The following CNOT4 variants were observed in gnomAD, a reference collection of about 807,000 sequenced individuals.
CNOT4 encodes the protein CCR4-associated factor 4.
CNOT4 carries 8 observed loss-of-function variants against 73.8 expected under a neutral mutation model. The ratio of observed to expected loss-of-function variants is 0.11; its 90% CI spans 0.06 to 0.20. CNOT4 has a LOEUF of 0.20. CNOT4 is among the 10% of genes least tolerant of loss of function. The pLI is 1.00. For missense variants in CNOT4, 564 were observed against 883.4 expected (o/e 0.64, Z 4.58); for synonymous variants, 293 against 321.1 (o/e 0.91, Z 0.94).
chr7:135,495,692 AAGAAAGAAAGAAAGAAAGAAAG>A (rs1803489435), intron 1 of CNOT4, among the ~76,000 whole-genome samples: 3 of 14,008 alleles, frequency 2.1e-4, no homozygotes, highest in Non-Finnish European at 4.4e-4. Flanking sequence ...AAAAAAAAAA[AAGAAAGAAAGAAAGAAAGAAAG>A]AAAGAAAGAA....
At chr7:135,407,112 T>C (rs1585596937) in intron 7 of CNOT4, among the ~76,000 whole-genome samples, 1 of 152,102 alleles carries the variant, frequency 6.6e-6, no homozygotes, top group East Asian at 1.9e-4. Context: ...TGTGGTACCT[T>C]CCCCCTCCAA....
At chr7:135,451,475 G>C (rs1382894521) in intron 1 of CNOT4, among the ~76,000 whole-genome samples, 2 of 152,162 alleles carry the variant, frequency 1.3e-5, no homozygotes, top group South Asian at 2.1e-4. Context: ...TGTATTTTTA[G>C]TAGAAATGGG....
At chr7:135,464,245 A>G (rs1801082974) in intron 1 of CNOT4, among the ~76,000 whole-genome samples, 1 of 152,182 alleles carries the variant, frequency 6.6e-6, no homozygotes, top group African/African-American at 2.4e-5. Context: ...ACGAATGTTC[A>G]CTGCAGTGCT....
At chr7:135,504,041 C>T (rs1010309646) in intron 1 of CNOT4, among the ~76,000 whole-genome samples, 1 of 152,100 alleles carries the variant, frequency 6.6e-6, no homozygotes, top group African/African-American at 2.4e-5. Flanking sequence ...CTGAAAACAC[C>T]TGATGCTCTA....
At chr7:135,490,772 A>G (rs975486432) in intron 1 of CNOT4, among the ~76,000 whole-genome samples, 1 of 152,244 alleles carries the variant, frequency 6.6e-6, no homozygotes, top group South Asian at 2.1e-4. Context: ...ATGTAGTACA[A>G]AATCTCTTGC....
At chr7:135,468,716 T>C (rs1801388309) in intron 1 of CNOT4, among the ~76,000 whole-genome samples, 1 of 151,852 alleles carries the variant, frequency 6.6e-6, no homozygotes, top group Non-Finnish European at 1.5e-5. Context: ...TACACATCTA[T>C]TCCTTCCCTG....
intron 1 of CNOT4, among the ~76,000 whole-genome samples, chr7:135,501,062 C>G (rs910276505): frequency 6.7e-6 from 1 of 150,240 alleles, no homozygotes; most frequent in Non-Finnish European, 1.5e-5. Context: ...TGGCTCACTG[C>G]AACCTCCGCC....
chr7:135,462,838 C>T (rs1800960455), intron 1 of CNOT4, among the ~76,000 whole-genome samples: 1 of 152,152 alleles, frequency 6.6e-6, no homozygotes, highest in Non-Finnish European at 1.5e-5. Context: ...AGATCCCTCC[C>T]CATTCTAAAA....
intron 10 of CNOT4, chr7:135,387,090 T>C (rs1168535991): frequency 2.0e-6 from 2 of 984,500 alleles, no homozygotes; most frequent in Admixed American, 6.1e-5. Context: ...TCTTGGCCTC[T>C]TACAGTAAAA....
At chr7:135,427,857 A>G (rs937414538) in intron 2 of CNOT4, among the ~76,000 whole-genome samples, 1 of 152,234 alleles carries the variant, frequency 6.6e-6, no homozygotes, top group South Asian at 2.1e-4. Flanking sequence ...GCCTAAACAG[A>G]AAATCTGATT....
intron 2 of CNOT4, among the ~76,000 whole-genome samples, chr7:135,430,121 C>T (rs745864744): frequency 2.0e-5 from 3 of 152,184 alleles, no homozygotes; most frequent in Non-Finnish European, 2.9e-5. Flanking sequence ...ACCAATGACA[C>T]GCAAACTCTT....
intron 1 of CNOT4, among the ~76,000 whole-genome samples, chr7:135,453,802 A>G (rs1800325748): frequency 7.6e-6 from 1 of 131,038 alleles, no homozygotes; most frequent in African/African-American, 3.0e-5. Context: ...TTATATATAA[A>G]TATATATAAT....
chr7:135,393,903 T>C lies in CNOT4; in HGVS notation c.1627+15A>G. 1 of 1,570,500 alleles carries C rather than the reference T, an allele frequency of 6.4e-7. No homozygotes were observed. The highest frequency in any genetic ancestry group is 1.9e-5 in the Admixed American group (1 of 52,432). On this transcript the variant is annotated intron_variant, in intron 10 of 11. Transcript: ENST00000541284. ...GAGTTATTCAAAAATTCTCAAAGGTTTTAAATGAACCTACCTGCTACAGGG... is the reference window on the plus strand; with the variant it reads ...GAGTTATTCAAAAATTCTCAAAGGTCTTAAATGAACCTACCTGCTACAGGG...
Position 135,438,299 on chromosome 7 carries a change from A to G in CNOT4, c.33T>C (p.Pro11=), listed in dbSNP as rs753246398. Residue 11 remains proline (P), a synonymous_variant, in exon 2 of 12, where the codon CCT becomes CCC. Coordinates refer to ENST00000541284, the MANE Select transcript of CNOT4 (RefSeq NM_001190850.2). MSRSPDAKED[P]VECPLCMEPL... ...GCTCCATGCAAAGAGGGCACTCCAC[A>G]GGGTCTTCCTTCGCATCAGGACTGC... 1 of 1,613,502 alleles carries G rather than the reference A, an allele frequency of 6.2e-7. No individual in the cohort carries two copies. Among genetic ancestry groups the G allele is most frequent in the Admixed American group, 1.7e-5 (1 of 59,910 alleles).
intron 1 of CNOT4, among the ~76,000 whole-genome samples, chr7:135,467,637 G>C (rs994827504): frequency 6.6e-6 from 1 of 152,146 alleles, no homozygotes; most frequent in African/African-American, 2.4e-5. Flanking sequence ...CTCGAGCCCA[G>C]GGGTTTGAGG....
At chr7:135,387,000 T>A in intron 10 of CNOT4, 2 of 737,144 alleles carry the variant, frequency 2.7e-6, no homozygotes, top group Non-Finnish European at 3.3e-6. Context: ...TTTGAGCTAG[T>A]AAGCATCATT....
At chr7:135,465,990 A>C (rs886535203) in intron 1 of CNOT4, among the ~76,000 whole-genome samples, 6 of 152,058 alleles carry the variant, frequency 3.9e-5, no homozygotes, top group African/African-American at 1.2e-4. Flanking sequence ...CAGAGGTTGC[A>C]GTGAGTTGAG....
At chr7:135,376,826 T>C (rs1795548377) in intron 10 of CNOT4, among the ~76,000 whole-genome samples, 1 of 152,208 alleles carries the variant, frequency 6.6e-6, no homozygotes, top group African/African-American at 2.4e-5. Context: ...AATTCCCACT[T>C]TTCTGAAACA....
chr7:135,455,355 G>A (rs780364038), intron 1 of CNOT4, among the ~76,000 whole-genome samples: 3 of 151,860 alleles, frequency 2.0e-5, no homozygotes, highest in Non-Finnish European at 2.9e-5. Flanking sequence ...CAACTCAAAG[G>A]CTGTGCTTTG....
Sources: allele counts gnomAD v4.1 joint callset (sites outside exome capture counted in the v4.1 genomes callset), GRCh38; gene constraint gnomAD v4.1.1; transcripts MANE v1.5; gene names NCBI Gene and HGNC (gene_info 2026-07-23, HGNC 2026-07-21).